The following RNF216 variants were observed in gnomAD, a reference collection of about 807,000 sequenced individuals.
RNF216 encodes the protein ring finger protein 216.
Under a neutral mutation model 110.8 loss-of-function variants are expected in RNF216, and 72 were observed. The ratio of observed to expected loss-of-function variants is 0.65; its 90% CI spans 0.54 to 0.79. RNF216 has a LOEUF of 0.79. Ranked by LOEUF, RNF216 falls within the 30% of genes least tolerant of loss-of-function variation. The pLI, the probability that RNF216 is intolerant of heterozygous loss-of-function variation, is 0.00. For missense variants in RNF216, 1,342 were observed against 1,141.2 expected (o/e 1.18, Z -2.54); for synonymous variants, 495 against 407.5 (o/e 1.21, Z -2.59).
chr7:5,641,232 G>C lies in RNF216; in HGVS notation c.2304C>G (p.Asp768Glu), dbSNP rs776887119. Residue 768 changes from aspartate (D) to glutamate (E), a missense_variant, in exon 15 of 17, where the codon GAC (aspartate) becomes GAG (glutamate). Coordinates refer to ENST00000389902, the MANE Select transcript of RNF216 (RefSeq NM_207111.4). ...GTGAGCGGGGATGTTGGCAGAAATG[G>C]TCATATCCATTAATAGAAACTCGAC... ...YLCRVSINGY[D>E]HFCQHPRSPG... 9 of 1,614,170 alleles carry C rather than the reference G, an allele frequency of 5.6e-6. No individual in the cohort carries two copies. In the South Asian group the frequency reaches 9.9e-5, roughly 18 times the overall value.
chr7:5,752,756 G>T, intron 3 of RNF216, 90 bp downstream of exon 3: 2 of 1,305,032 alleles, frequency 1.5e-6, no homozygotes, highest in Non-Finnish European at 2.1e-6. Context: ...TACAAGAGGT[G>T]CTGTTCTACA....
At position 5,623,928 on chromosome 7, in the gene RNF216, G is replaced by A. The variant is rs1786548595; in HGVS notation, c.2452+128C>T. The A allele has an allele frequency of 9.5e-6, 7 of 733,426 alleles. No individual in the cohort carries two copies. The African/African-American group carries it at 1.1e-4, about 11-fold the overall frequency. 45.4% of individuals were successfully genotyped at this position (733,426 alleles called of 1,614,324 possible). A position where few individuals can be genotyped will look rare whatever the true frequency, so the allele number is the denominator to read the frequency against. ...CCGCGTGGGTGAAGTCAGGTCTATAGCCACCTGAGGGACAGCACCCCCTCC... is the reference window on the plus strand; with the variant it reads ...CCGCGTGGGTGAAGTCAGGTCTATAACCACCTGAGGGACAGCACCCCCTCC... On this transcript the variant is annotated intron_variant, in intron 16 of 16. Transcript: ENST00000389902.
intron 5 of RNF216, among the ~76,000 whole-genome samples, chr7:5,738,804 T>G (rs1794587833): frequency 6.6e-6 from 1 of 151,928 alleles, no homozygotes; most frequent in Non-Finnish European, 1.5e-5. Flanking sequence ...GAAAATGTCT[T>G]AACATCTTGA....
Position 5,621,411 on chromosome 7 carries a change from A to C in RNF216, c.*1449T>G, listed in dbSNP as rs1364015636. On this transcript the variant is annotated 3_prime_UTR_variant, in exon 17 of 17. Transcript: ENST00000389902. The stretch of plus-strand genomic sequence containing the variant: ...ACTCATCCGCCCGCCTCGGCCTCCC[A>C]AAGTGCTGGGATTACAGGCGGGAGC... 6.6e-6 allele frequency: 1 copy of C among 152,246 alleles called. No homozygotes were observed. Among genetic ancestry groups the C allele is most frequent in the African/African-American group, 2.4e-5 (1 of 41,414 alleles). 9.4% of individuals were successfully genotyped at this position (152,246 alleles called of 1,614,324 possible).
At position 5,624,219 on chromosome 7, in the gene RNF216, A is replaced by G. The variant is rs1363217841; in HGVS notation, c.2383-94T>C. 2.8e-6 allele frequency: 3 copies of G among 1,058,572 alleles called. No homozygotes were observed. In the Admixed American group the frequency reaches 6.1e-5, roughly 21 times the overall value. The allele number at this position is 1,058,572 out of a possible 1,614,324, so 65.6% of individuals were successfully genotyped here. On this transcript the variant is annotated intron_variant, in intron 15 of 16. Transcript: ENST00000389902. The surrounding 1 kb of genome is among the most constrained non-coding windows in gnomAD (Gnocchi z 4.4). Reference sequence around the variant, plus strand: ...AGGAGGCCGCTTGTTGCTTATGGCCATGGAACAAGCCCGAAGCCTGCTGCT... The same window carrying G: ...AGGAGGCCGCTTGTTGCTTATGGCCGTGGAACAAGCCCGAAGCCTGCTGCT...
intron 13 of RNF216, among the ~76,000 whole-genome samples, chr7:5,672,477 G>A (rs1005330961): frequency 6.6e-6 from 1 of 152,194 alleles, no homozygotes; most frequent in African/African-American, 2.4e-5. Flanking sequence ...TGTAGTGCTT[G>A]TAGCATCAAG....
intron 13 of RNF216, among the ~76,000 whole-genome samples, chr7:5,703,488 T>C (rs1792100809): frequency 6.6e-6 from 1 of 152,276 alleles, no homozygotes; most frequent in Non-Finnish European, 1.5e-5. Context: ...TGCAGATGCC[T>C]GTTTTTTAAC....
chr7:5,765,467 A>C (rs1313848909), intron 1 of RNF216, among the ~76,000 whole-genome samples: 1 of 151,818 alleles, frequency 6.6e-6, no homozygotes, highest in Non-Finnish European at 1.5e-5. Context: ...CCATCTCAAA[A>C]AATAAAAAAA....
chr7:5,771,863 AC>A (rs1011890991), intron 1 of RNF216, among the ~76,000 whole-genome samples: 1 of 152,134 alleles, frequency 6.6e-6, no homozygotes, highest in Non-Finnish European at 1.5e-5. Flanking sequence ...ACGGCTGAGT[AC>A]CCCGAGGAAA....
intron 1 of RNF216, chr7:5,775,324 T>C (rs976422254): frequency 1.3e-5 from 2 of 152,182 alleles, no homozygotes; most frequent in African/African-American, 2.4e-5. Context: ...TCACCTTCAC[T>C]TCCTCGTGAC....
At position 5,624,143 on chromosome 7, in the gene RNF216, A is replaced by G; in HGVS notation, c.2383-18T>C. Reference sequence around the variant, plus strand: ...TCATCTTCCTAAAACGCAAGCAATGAGAAGGATGAACCTGTAGCTTCATGC... The same window carrying G: ...TCATCTTCCTAAAACGCAAGCAATGGGAAGGATGAACCTGTAGCTTCATGC... On this transcript the variant is annotated intron_variant, in intron 15 of 16. Coordinates refer to ENST00000389902, the MANE Select transcript of RNF216 (RefSeq NM_207111.4). This position sits in a 1 kb window ranked among gnomAD's most constrained non-coding sequence, Gnocchi z 4.4. 1 of 1,609,196 alleles carries G rather than the reference A, an allele frequency of 6.2e-7. No individual in the cohort carries two copies. The highest frequency in any genetic ancestry group is 8.5e-7 in the Non-Finnish European group (1 of 1,177,136).
At chr7:5,654,336 G>C (rs1282609714) in intron 13 of RNF216, among the ~76,000 whole-genome samples, 1 of 152,070 alleles carries the variant, frequency 6.6e-6, no homozygotes, top group Non-Finnish European at 1.5e-5. Flanking sequence ...AAATGGAACA[G>C]AATGCTGAGG....
chr7:5,622,644 T>C lies in RNF216; in HGVS notation c.*216A>G. 5.4e-6 allele frequency: 3 copies of C among 557,224 alleles called. No individual in the cohort carries two copies. The highest frequency in any genetic ancestry group is 5.2e-5 in the South Asian group (2 of 38,528). The allele number at this position is 557,224 out of a possible 1,614,324, so 34.5% of individuals were successfully genotyped here. On this transcript the variant is annotated 3_prime_UTR_variant, in exon 17 of 17. Coordinates refer to ENST00000389902, the MANE Select transcript of RNF216 (RefSeq NM_207111.4). ...GGGGAGGGGCAGTTCACATCGCAGC[T>C]CTCTCCGAACTCCACCATTTGGGAC...
At position 5,773,004 on chromosome 7, in the gene RNF216, T is replaced by C. The variant is rs372611045; in HGVS notation, c.-70+8537A>G. ...CATGTTGGCCAGGCTAGTCTCGAAC[T>C]ACTGACCTCTGGTGATCCACACGCC... On this transcript the variant is annotated intron_variant, in intron 1 of 16. Coordinates refer to ENST00000389902, the MANE Select transcript of RNF216 (RefSeq NM_207111.4). Among the ~76,000 whole-genome samples the C allele has an allele frequency of 1.1e-4, 16 of 152,214 alleles. No individual in the cohort carries two copies. In the East Asian group the frequency reaches 3.1e-3, roughly 29 times the overall value.
At chr7:5,693,322 A>T (rs1791445885) in intron 13 of RNF216, among the ~76,000 whole-genome samples, 1 of 152,194 alleles carries the variant, frequency 6.6e-6, no homozygotes, top group African/African-American at 2.4e-5. Flanking sequence ...TTTACAGAAA[A>T]AGTCTGCTGA....
intron 1 of RNF216, among the ~76,000 whole-genome samples, 191 bp downstream of exon 1, chr7:5,781,350 C>T (rs1797079365): frequency 6.6e-6 from 1 of 152,026 alleles, no homozygotes; most frequent in South Asian, 2.1e-4. Context: ...CCGCACCGGG[C>T]TCGAGACGCC....
rs774738180 is a variant in RNF216 at position 5,729,566 on chromosome 7, T to C, written c.1255A>G (p.Lys419Glu). 14 of 1,614,030 alleles carry C rather than the reference T, an allele frequency of 8.7e-6. No individual in the cohort carries two copies. Among genetic ancestry groups the C allele is most frequent in the Non-Finnish European group, 1.2e-5 (14 of 1,180,016 alleles). ...CAGCGCTGGTCAAGAGGGGTCAATT[T>C]AGAATAGTCAAAAAAGTCTATTTTA... The part of the protein sequence containing the change: ...LPKIDFFDYS[K>E]LTPLDQRCFI... Residue 419 changes from lysine (K) to glutamate (E), a missense_variant, in exon 7 of 17, where the codon AAA becomes GAA. Lys to Glu is a moderately conservative substitution (Grantham distance 56). Transcript: ENST00000389902.
chr7:5,713,831 C>T (rs549091495), intron 11 of RNF216, among the ~76,000 whole-genome samples: 5 of 152,318 alleles, frequency 3.3e-5, no homozygotes, highest in African/African-American at 7.2e-5. Context: ...AACTCATCAC[C>T]TCATTTAGCT....
chr7:5,645,735 C>T lies in RNF216; in HGVS notation c.2160-4359G>A, dbSNP rs12669801. 1.1e-3 allele frequency among the ~76,000 whole-genome samples: 170 copies of T among 152,206 alleles called. 4 individuals are homozygous for T. In the East Asian group the frequency reaches 0.029, roughly 26 times the overall value. ...CCTTCCAAGTAGCTGGGACTACAGG[C>T]GCCCGCCACCACATCCAGCTAATTT... On this transcript the variant is annotated intron_variant, in intron 14 of 16. Transcript: ENST00000389902.
Sources: allele counts gnomAD v4.1 joint callset (sites outside exome capture counted in the v4.1 genomes callset), GRCh38; gene constraint gnomAD v4.1.1; non-coding constraint Gnocchi (gnomAD v3.1); transcripts MANE v1.5; gene names NCBI Gene and HGNC (gene_info 2026-07-23, HGNC 2026-07-21).